The following TMEM132D variants were observed in gnomAD, a reference collection of about 807,000 sequenced individuals.
TMEM132D encodes mature OL transmembrane protein.
In TMEM132D, 21 loss-of-function variants were observed where a neutral mutation model predicts 62.3. The ratio of observed to expected loss-of-function variants is 0.34; its 90% CI spans 0.24 to 0.49. The LOEUF (loss-of-function observed/expected upper bound fraction) is 0.49, where lower values mean the gene tolerates loss of function less well. TMEM132D is among the 20% of genes least tolerant of loss of function. The probability of loss-of-function intolerance (pLI) is 0.99; values close to 1 mark genes in which losing one functional copy is unlikely to be tolerated. For missense variants in TMEM132D, 1,346 were observed against 1,402.8 expected (o/e 0.96, Z 0.65); for synonymous variants, 621 against 575.6 (o/e 1.08, Z -1.13).
At chr12:129,628,329 T>A (rs1322455273) in intron 2 of TMEM132D, among the ~76,000 whole-genome samples, 1 of 152,080 alleles carries the variant, frequency 6.6e-6, no homozygotes, top group Non-Finnish European at 1.5e-5. Context: ...AGTTTCTGAG[T>A]GACAGATCCA....
At chr12:129,150,151 C>T (rs1301665193) in intron 5 of TMEM132D, among the ~76,000 whole-genome samples, 6 of 152,184 alleles carry the variant, frequency 3.9e-5, no homozygotes, top group African/African-American at 1.4e-4. Flanking sequence ...GGGCTCACTC[C>T]CGGCAATCTG....
chr12:129,178,315 T>A (rs537726699), intron 5 of TMEM132D, among the ~76,000 whole-genome samples: 7 of 152,326 alleles, frequency 4.6e-5, no homozygotes, highest in Non-Finnish European at 8.8e-5. Context: ...TCAAATGGTA[T>A]TTCTGCCTCT....
chr12:129,370,821 C>G (rs1245822000), intron 3 of TMEM132D, among the ~76,000 whole-genome samples: 1 of 152,072 alleles, frequency 6.6e-6, no homozygotes, highest in Non-Finnish European at 1.5e-5. Context: ...TGGGAGCAGA[C>G]ATAGTGTCTC....
chr12:129,428,771 A>G (rs1296793251), intron 3 of TMEM132D, among the ~76,000 whole-genome samples: 2 of 152,204 alleles, frequency 1.3e-5, no homozygotes, highest in Non-Finnish European at 2.9e-5. Context: ...CTTACTCCCT[A>G]AGAAAGCACT....
chr12:129,198,876 C>T (rs983224227), intron 5 of TMEM132D, among the ~76,000 whole-genome samples: 2 of 152,004 alleles, frequency 1.3e-5, no homozygotes, highest in African/African-American at 4.8e-5. Context: ...TAAATCTTAA[C>T]ATCACTTTGT....
intron 1 of TMEM132D, among the ~76,000 whole-genome samples, chr12:129,743,791 G>A (rs1869685524): frequency 2.6e-5 from 4 of 152,186 alleles, no homozygotes; most frequent in Admixed American, 2.6e-4. Context: ...GAGACAACAT[G>A]ATGAAAGAGG....
intron 5 of TMEM132D, among the ~76,000 whole-genome samples, chr12:129,181,615 T>A (rs1005795819): frequency 1.3e-5 from 2 of 152,178 alleles, no homozygotes; most frequent in African/African-American, 4.8e-5. Context: ...CCACCTCATC[T>A]CCTTTTGAGG....
chr12:129,528,271 C>G (rs570387776), intron 3 of TMEM132D, among the ~76,000 whole-genome samples: 1 of 152,132 alleles, frequency 6.6e-6, no homozygotes, highest in East Asian at 1.9e-4. Context: ...TCTGTAATCA[C>G]GGAGCATGAT....
At chr12:129,115,837 G>A (rs978330602) in intron 5 of TMEM132D, among the ~76,000 whole-genome samples, 38 of 152,230 alleles carry the variant, frequency 2.5e-4, no homozygotes, top group African/African-American at 8.0e-4. Flanking sequence ...AGAGGTCAAC[G>A]CAGGGAGCTC....
At chr12:129,230,967 T>G (rs902981417) in intron 4 of TMEM132D, among the ~76,000 whole-genome samples, 1 of 152,236 alleles carries the variant, frequency 6.6e-6, no homozygotes, top group Non-Finnish European at 1.5e-5. Context: ...ATCATCACCT[T>G]CAATGAAGCC....
intron 2 of TMEM132D, among the ~76,000 whole-genome samples, chr12:129,650,575 G>A (rs1179564050): frequency 6.6e-6 from 1 of 152,186 alleles, no homozygotes; most frequent in East Asian, 1.9e-4. Flanking sequence ...CTTCTCTGGT[G>A]GAAGGTGAGA....
At chr12:129,817,867 T>C (rs1207832149) in intron 1 of TMEM132D, among the ~76,000 whole-genome samples, 1 of 146,638 alleles carries the variant, frequency 6.8e-6, no homozygotes, top group South Asian at 2.2e-4. Context: ...GTGTGAGGTG[T>C]ATGTGTGTGT....
At chr12:129,285,539 A>AAAAAAAAAAAAAAGAGAG (rs56018646) in intron 4 of TMEM132D, among the ~76,000 whole-genome samples, 53 of 90,066 alleles carry the variant, frequency 5.9e-4, no homozygotes, top group African/African-American at 1.8e-3. Context: ...AAAAAAAAAA[A>AAAAAAAAAAAAAAGAGAG]AGAGAGAGAG....
intron 1 of TMEM132D, among the ~76,000 whole-genome samples, chr12:129,872,806 G>A (rs1012768790): frequency 1.3e-5 from 2 of 152,190 alleles, no homozygotes; most frequent in African/African-American, 2.4e-5. Flanking sequence ...TATCCACCAT[G>A]TCAACAAACC....
At chr12:129,773,101 C>A (rs1211739450) in intron 1 of TMEM132D, among the ~76,000 whole-genome samples, 1 of 152,192 alleles carries the variant, frequency 6.6e-6, no homozygotes, top group East Asian at 1.9e-4. Context: ...CCTGGGTATG[C>A]AAGGATCTAG....
rs528627112 is a variant in TMEM132D, at chr12:129,340,618, C to T, written c.1116-2801G>A. ...TGCTGGTTTCCAGCTTCATCCATGT[C>T]CCTACAAAGGACATGAACTCATCAT... On this transcript the variant is annotated intron_variant, in intron 3 of 8. Transcript: ENST00000422113. Among the ~76,000 whole-genome samples, 3 of 152,296 alleles carry T rather than the reference C, an allele frequency of 2.0e-5. No individual in the cohort carries two copies. The South Asian group carries it at 6.2e-4, about 32-fold the overall frequency.
chr12:129,413,867 C>T (rs1872038591), intron 3 of TMEM132D, among the ~76,000 whole-genome samples: 1 of 152,132 alleles, frequency 6.6e-6, no homozygotes, highest in Admixed American at 6.5e-5. Context: ...AAAAGTCATA[C>T]AAAATATTAG....
chr12:129,503,309 T>C (rs530868500), intron 3 of TMEM132D, among the ~76,000 whole-genome samples: 1 of 152,110 alleles, frequency 6.6e-6, no homozygotes, highest in Non-Finnish European at 1.5e-5. Context: ...TATAAGAAGA[T>C]AAAAACCCAA....
At chr12:129,426,339 C>G (rs192870033) in intron 3 of TMEM132D, among the ~76,000 whole-genome samples, 1 of 152,142 alleles carries the variant, frequency 6.6e-6, no homozygotes, top group South Asian at 2.1e-4. Flanking sequence ...CTCCAGAAAC[C>G]GCTGGGGAAC....
Sources: gnomAD v4.1 joint callset for allele counts (sites outside exome capture counted in the v4.1 genomes callset) on GRCh38, gnomAD v4.1.1 for gene constraint, MANE v1.5 for transcripts, NCBI Gene and HGNC (gene_info 2026-07-23, HGNC 2026-07-21) for gene names.